Variants in EML6 observed in about 807,000 individuals in gnomAD.
The protein encoded by EML6 is EMAP like 6.
In EML6, 154 loss-of-function variants were observed where a neutral mutation model predicts 240.1. That is an observed-to-expected ratio of 0.64 (90% CI 0.56 to 0.73). EML6 has a LOEUF of 0.73. Among genes scored for constraint, EML6 ranks in the 30% least tolerant of loss-of-function variants. The pLI is 0.00. For synonymous variants in EML6, 1,148 were observed against 899.0 expected (o/e 1.28, Z -4.95); for missense variants, 2,964 against 2,474.6 (o/e 1.20, Z -4.20).
chr2:54,756,585 A>T (rs1667741002), intron 2 of EML6, among the ~76,000 whole-genome samples: 1 of 152,002 alleles, frequency 6.6e-6, no homozygotes, highest in African/African-American at 2.4e-5. Flanking sequence ...TTTTTAAAAA[A>T]ATCTTTTTTT....
At position 54,895,283 on chromosome 2, in the gene EML6, G is replaced by A. The variant is rs1166294591; in HGVS notation, c.2865G>A (p.Leu955=). 6.4e-7 allele frequency: 1 copy of A among 1,551,582 alleles called. No individual in the cohort carries two copies. Among genetic ancestry groups the A allele is most frequent in the Admixed American group, 2.0e-5 (1 of 50,994 alleles). The change falls in exon 21 of 42, where the codon TTG becomes TTA. Residue 955 remains leucine (L), a synonymous_variant. Coordinates refer to ENST00000356458, the MANE Select transcript of EML6 (RefSeq NM_001039753.4). The part of the protein sequence containing the change: ...ALSTSSKGLL[L]EDNPSIRAIT... ...CATCCCCTTCCCCAGGCTTGCTTTT[G>A]GAAGATAACCCTTCAATTCGTGCCA...
intron 2 of EML6, among the ~76,000 whole-genome samples, chr2:54,785,391 T>C (rs994064287): frequency 1.3e-5 from 2 of 151,888 alleles, no homozygotes; most frequent in African/African-American, 2.4e-5. Context: ...GCCAGGCTGG[T>C]CTTGAACTCC....
chr2:54,789,484 C>T (rs551098871), intron 2 of EML6, among the ~76,000 whole-genome samples: 5 of 133,946 alleles, frequency 3.7e-5, no homozygotes, highest in South Asian at 2.4e-4. Flanking sequence ...ACTGCACTCC[C>T]GCCTGGGCCA....
chr2:54,888,031 A>G (rs976790519), intron 17 of EML6, among the ~76,000 whole-genome samples: 18 of 152,254 alleles, frequency 1.2e-4, no homozygotes, highest in African/African-American at 4.3e-4. Flanking sequence ...CAAGCTAGCA[A>G]TGGGCTTGCT....
chr2:54,903,018 A>G (rs1673140992), intron 22 of EML6, 26 bp from the exon 23 acceptor site: 1 of 1,544,532 alleles, frequency 6.5e-7, no homozygotes, highest in African/African-American at 1.4e-5. Context: ...TTGGATAATA[A>G]GTGTTTTTTG....
intron 2 of EML6, among the ~76,000 whole-genome samples, chr2:54,753,876 C>A (rs774677297): frequency 6.6e-6 from 1 of 151,932 alleles, no homozygotes; most frequent in Non-Finnish European, 1.5e-5. Context: ...ATGGCTCACA[C>A]CTGTAATCCC....
chr2:54,768,348 T>C (rs1024323800), intron 2 of EML6, among the ~76,000 whole-genome samples: 4 of 152,200 alleles, frequency 2.6e-5, no homozygotes, highest in Admixed American at 2.6e-4. Flanking sequence ...GAACTACTGA[T>C]AGATATGGTA....
At chr2:54,732,861 T>G (rs1187946594) in intron 2 of EML6, among the ~76,000 whole-genome samples, 1 of 152,226 alleles carries the variant, frequency 6.6e-6, no homozygotes, top group Non-Finnish European at 1.5e-5. Flanking sequence ...ATACATTGGA[T>G]TTGTTTACTC....
chr2:54,816,974 T>G, intron 4 of EML6, 89 bp downstream of exon 4: 1 of 785,066 alleles, frequency 1.3e-6, no homozygotes, highest in Admixed American at 2.2e-5. Flanking sequence ...TTTTTAACAG[T>G]AAATATTTCA....
chr2:54,729,451 T>C (rs1046279839), intron 2 of EML6, among the ~76,000 whole-genome samples: 2 of 152,220 alleles, frequency 1.3e-5, no homozygotes, highest in Non-Finnish European at 2.9e-5. Flanking sequence ...ATTTCCTGAG[T>C]GCCAAACTCA....
At chr2:54,967,541 A>C (rs1160041406) in intron 39 of EML6, among the ~76,000 whole-genome samples, 1 of 152,160 alleles carries the variant, frequency 6.6e-6, no homozygotes, top group Non-Finnish European at 1.5e-5. Context: ...TGTTCTCCCC[A>C]ACACACACAT....
rs1015293500 is a variant in EML6 at position 54,827,605 on chromosome 2, G to A, written c.565G>A (p.Gly189Arg). 1.5e-5 allele frequency: 23 copies of A among 1,551,544 alleles called. No homozygotes were observed. Among genetic ancestry groups the A allele is most frequent in the Non-Finnish European group, 2.0e-5 (23 of 1,147,000 alleles). The stretch of plus-strand genomic sequence containing the variant: ...TGGAAATGCCCTGACTGCAAAAAGA[G>A]GGATATTTGGCAAAACAGGGGATCT... ...LCGNALTAKR[G>R]IFGKTGDLQT... is the part of the protein sequence containing the mutation. The change falls in exon 6 of 42, where the codon GGG (glycine) becomes AGG (arginine). Residue 189 changes from glycine to arginine, a missense_variant. Gly to Arg is a moderately radical substitution (Grantham distance 125, BLOSUM62 -2). Transcript: ENST00000356458.
At chr2:54,938,244 G>C (rs1675252449) in intron 28 of EML6, among the ~76,000 whole-genome samples, 2 of 152,166 alleles carry the variant, frequency 1.3e-5, no homozygotes, top group Admixed American at 1.3e-4. Flanking sequence ...TACTCGGGAG[G>C]CTGAGGGAGG....
chr2:54,956,286 GTTT>G (rs1676230912), intron 32 of EML6, among the ~76,000 whole-genome samples: 1 of 5,598 alleles, frequency 1.8e-4, no homozygotes, highest in Admixed American at 2.2e-3. Flanking sequence ...TCTTTCCTTT[GTTT>G]GCACTTCTCC....
intron 24 of EML6, among the ~76,000 whole-genome samples, chr2:54,907,117 AAG>A (rs2104254696): frequency 6.6e-6 from 1 of 152,296 alleles, no homozygotes; most frequent in South Asian, 2.1e-4. Context: ...ATGCTTGAGA[AAG>A]AAAAAATGTA....
At chr2:54,866,407 A>G (rs1188084934) in intron 13 of EML6, among the ~76,000 whole-genome samples, 1 of 152,198 alleles carries the variant, frequency 6.6e-6, no homozygotes, top group Non-Finnish European at 1.5e-5. Flanking sequence ...ATGACTCATG[A>G]GGTCCACATT....
intron 25 of EML6, among the ~76,000 whole-genome samples, chr2:54,912,352 C>G (rs1477388037): frequency 6.6e-6 from 1 of 152,122 alleles, no homozygotes; most frequent in Non-Finnish European, 1.5e-5. Context: ...TAATTACGTC[C>G]TTCATTCACT....
intron 3 of EML6, among the ~76,000 whole-genome samples, chr2:54,814,914 A>T (rs960107605): frequency 2.0e-5 from 3 of 152,216 alleles, no homozygotes; most frequent in African/African-American, 7.2e-5. Context: ...CTACATAAAG[A>T]GATAATAGCT....
At position 54,861,772 on chromosome 2, in the gene EML6, T is replaced by G. The variant is rs928964115; in HGVS notation, c.1826-2011T>G. On this transcript the variant is annotated intron_variant, in intron 12 of 41. Transcript: ENST00000356458. ...ACGAGATAGGGAGAGGTTTTTTGTT[T>G]TTTTTTTTTTTTTAATCTAATGCAC... Among the ~76,000 whole-genome samples, 15 of 148,880 alleles carry G rather than the reference T, an allele frequency of 1.0e-4. 1 individual carries two copies. Among genetic ancestry groups the G allele is most frequent in the African/African-American group, 2.0e-4 (8 of 40,934 alleles).
Sources: gnomAD v4.1 joint callset for allele counts (sites outside exome capture counted in the v4.1 genomes callset) on GRCh38, gnomAD v4.1.1 for gene constraint, MANE v1.5 for transcripts, NCBI Gene and HGNC (gene_info 2026-07-23, HGNC 2026-07-21) for gene names.